DPY19L3: variants seen among roughly 807,000 people sequenced by gnomAD.
The protein encoded by DPY19L3 is protein C-mannosyl-transferase DPY19L3.
Under a neutral mutation model 92.3 loss-of-function variants are expected in DPY19L3, and 51 were observed. The ratio of observed to expected loss-of-function variants is 0.55; its 90% CI spans 0.44 to 0.70. The LOEUF (loss-of-function observed/expected upper bound fraction) is 0.70. Among genes scored for constraint, DPY19L3 ranks in the 30% least tolerant of loss-of-function variants. The pLI is 0.00. For missense variants in DPY19L3, 706 were observed against 855.9 expected (o/e 0.82, Z 2.18); for synonymous variants, 309 against 315.2 (o/e 0.98, Z 0.21).
intron 17 of DPY19L3, 102 bp from the exon 18 acceptor site, chr19:32,480,297 T>G: frequency 7.7e-7 from 1 of 1,304,510 alleles, no homozygotes; most frequent in Non-Finnish European, 1.0e-6. Context: ...GCACCTTGGG[T>G]GTTAGGTCTT....
chr19:32,459,142 A>G (rs777029073), intron 12 of DPY19L3, among the ~76,000 whole-genome samples: 16 of 152,198 alleles, frequency 1.1e-4, no homozygotes, highest in African/African-American at 2.4e-4. Context: ...ATAACTGCCA[A>G]TTTTAAAAAA....
At chr19:32,447,812 T>C (rs1969558660) in intron 8 of DPY19L3, among the ~76,000 whole-genome samples, 1 of 110,142 alleles carries the variant, frequency 9.1e-6, no homozygotes, top group Non-Finnish European at 1.6e-5. Flanking sequence ...CATAGATAGA[T>C]AGATTAGATA....
intron 8 of DPY19L3, among the ~76,000 whole-genome samples, chr19:32,447,294 GA>G (rs1446416658): frequency 6.6e-6 from 1 of 152,166 alleles, no homozygotes; most frequent in Non-Finnish European, 1.5e-5. Context: ...AGAAAAGACA[GA>G]AAGTCTGAAA....
rs1970777400 is a variant in DPY19L3, at chr19:32,485,584, A to T, written c.*3344A>T. 1 of 152,258 alleles carries T rather than the reference A, an allele frequency of 6.6e-6. No individual in the cohort carries two copies. The highest frequency in any genetic ancestry group is 2.4e-5 in the African/African-American group (1 of 41,462). 9.4% of individuals were successfully genotyped at this position (152,258 alleles called of 1,614,324 possible). ...TTGAGTTCATCTTTGGCCAAAACCT[A>T]CCTGAATTAACATACAAAATATTTG... On this transcript the variant is annotated 3_prime_UTR_variant, in exon 19 of 19. Transcript: ENST00000392250.
At chr19:32,430,404 A>G (rs1409294356) in intron 3 of DPY19L3, among the ~76,000 whole-genome samples, 3 of 152,070 alleles carry the variant, frequency 2.0e-5, no homozygotes. Flanking sequence ...AATAAATTTC[A>G]GAACCTGATG....
chr19:32,483,199 A>G lies in DPY19L3; in HGVS notation c.*959A>G, dbSNP rs982898720. On this transcript the variant is annotated 3_prime_UTR_variant, in exon 19 of 19. Transcript: ENST00000392250. ...TCTATCTTAACTAGTTCACTAATACAGTATTTTTAGCAGACAGCATTTTCA... is the reference window on the plus strand; with the variant it reads ...TCTATCTTAACTAGTTCACTAATACGGTATTTTTAGCAGACAGCATTTTCA... The G allele has an allele frequency of 6.6e-6, 1 of 152,264 alleles. No individual in the cohort carries two copies. The highest frequency in any genetic ancestry group is 2.4e-5 in the African/African-American group (1 of 41,450). 9.4% of individuals were successfully genotyped at this position (152,264 alleles called of 1,614,324 possible).
intron 16 of DPY19L3, among the ~76,000 whole-genome samples, chr19:32,470,446 G>A (rs1055830415): frequency 6.6e-6 from 1 of 152,064 alleles, no homozygotes; most frequent in Non-Finnish European, 1.5e-5. Context: ...GGGTCTTCCG[G>A]ATCTCCTTAG....
intron 8 of DPY19L3, among the ~76,000 whole-genome samples, chr19:32,452,841 G>C (rs183295969): frequency 1.1e-3 from 164 of 150,898 alleles, no homozygotes; most frequent in African/African-American, 3.8e-3. Context: ...TCACAGGCAC[G>C]AGCCACCACG....
At chr19:32,458,585 A>C (rs1324842766) in intron 12 of DPY19L3, 76 bp downstream of exon 12, 1 of 1,431,202 alleles carries the variant, frequency 7.0e-7, no homozygotes, top group Admixed American at 2.1e-5. Context: ...GCAAAGTTGA[A>C]AGTCAGAATA....
At chr19:32,452,139 A>T (rs1405003704) in intron 8 of DPY19L3, among the ~76,000 whole-genome samples, 1 of 152,128 alleles carries the variant, frequency 6.6e-6, no homozygotes, top group Non-Finnish European at 1.5e-5. Flanking sequence ...AGGCATTTTC[A>T]TCCATTACCA....
chr19:32,474,726 C>T lies in DPY19L3; in HGVS notation c.1698-2796C>T, dbSNP rs147852312. ...CCTCCTCAGCCTCCTGAGTAGCTGG[C>T]ATTACAGGCACCCACCACCACGCCT... On this transcript the variant is annotated intron_variant, in intron 16 of 18. Transcript: ENST00000392250. 2.9e-3 allele frequency among the ~76,000 whole-genome samples: 434 copies of T among 152,094 alleles called. 1 individual carries two copies. Among genetic ancestry groups the T allele is most frequent in the African/African-American group, 9.6e-3 (397 of 41,546 alleles).
chr19:32,452,116 G>A (rs150492279), intron 8 of DPY19L3, among the ~76,000 whole-genome samples: 11 of 152,280 alleles, frequency 7.2e-5, no homozygotes, highest in South Asian at 4.1e-4. Flanking sequence ...ATTAGCCACC[G>A]TGCTTGGCCA....
intron 7 of DPY19L3, 111 bp from the exon 8 acceptor site, chr19:32,439,665 A>G (rs1171078754): frequency 9.2e-7 from 1 of 1,085,582 alleles, no homozygotes; most frequent in Non-Finnish European, 1.3e-6. Flanking sequence ...GCAACAGTTT[A>G]TGGTTTTTCT....
chr19:32,473,272 T>A (rs944653811), intron 16 of DPY19L3, among the ~76,000 whole-genome samples: 3 of 152,268 alleles, frequency 2.0e-5, no homozygotes, highest in African/African-American at 7.2e-5. Flanking sequence ...GGCAGCCTGC[T>A]ATGGAGCTTG....
chr19:32,440,007 T>C, intron 8 of DPY19L3, 97 bp downstream of exon 8: 1 of 1,484,812 alleles, frequency 6.7e-7, no homozygotes, highest in Non-Finnish European at 9.1e-7. Context: ...ATGGATAAAA[T>C]TGAAGCTGTT....
chr19:32,433,257 T>A (rs1969027977), intron 4 of DPY19L3, among the ~76,000 whole-genome samples: 1 of 152,196 alleles, frequency 6.6e-6, no homozygotes, highest in Non-Finnish European at 1.5e-5. Context: ...GACCCCACAC[T>A]CTGCCTTTAC....
chr19:32,424,004 C>CAGAAT (rs1968670015), intron 3 of DPY19L3, among the ~76,000 whole-genome samples: 1 of 150,474 alleles, frequency 6.6e-6, no homozygotes, highest in Non-Finnish European at 1.5e-5. Flanking sequence ...CAGAATGAGA[C>CAGAAT]CATCTCGAAA....
At chr19:32,461,673 G>A (rs1310703160) in intron 12 of DPY19L3, among the ~76,000 whole-genome samples, 9 of 152,050 alleles carry the variant, frequency 5.9e-5, no homozygotes, top group Non-Finnish European at 1.2e-4. Flanking sequence ...GGAAAAAAAG[G>A]ATTTCTGGGA....
chr19:32,439,721 C>T, intron 7 of DPY19L3, 55 bp from the exon 8 acceptor site: 1 of 1,574,252 alleles, frequency 6.4e-7, no homozygotes, highest in Non-Finnish European at 8.6e-7. Context: ...AACTTGTCTG[C>T]AAGGTTTTTT....
Sources: allele counts gnomAD v4.1 joint callset (sites outside exome capture counted in the v4.1 genomes callset), GRCh38; gene constraint gnomAD v4.1.1; transcripts MANE v1.5; gene names NCBI Gene and HGNC (gene_info 2026-07-23, HGNC 2026-07-21).